Variants in ZZEF1 observed in about 807,000 individuals in gnomAD.
ZZEF1 encodes zinc finger ZZ-type and EF-hand domain containing 1, also known as zinc finger ZZ-type and EF-hand domain-containing protein 1.
Under a neutral mutation model 342.8 loss-of-function variants are expected in ZZEF1, and 157 were observed. That is an observed-to-expected ratio of 0.46 (90% CI 0.40 to 0.52). ZZEF1 has a LOEUF of 0.52. ZZEF1 is among the 20% of genes least tolerant of loss of function. The pLI is 0.00. For missense variants in ZZEF1, 3,480 were observed against 3,725.6 expected, an observed-to-expected ratio of 0.93 and a Z score of 1.72; for synonymous variants, 1,505 against 1,429.1, an observed-to-expected ratio of 1.05 and a Z score of -1.20.
Position 4,014,710 on chromosome 17 carries a change from A to T in ZZEF1, c.8146-195T>A, listed in dbSNP as rs1437292496. Among the ~76,000 whole-genome samples, 1 of 152,202 alleles carries T rather than the reference A, an allele frequency of 6.6e-6. No homozygotes were observed. Among genetic ancestry groups the T allele is most frequent in the African/African-American group, 2.4e-5 (1 of 41,460 alleles). On this transcript the variant is annotated intron_variant, in intron 49 of 54. Coordinates refer to ENST00000381638, the MANE Select transcript of ZZEF1 (RefSeq NM_015113.4). This position sits in a 1 kb window ranked among gnomAD's most constrained non-coding sequence, Gnocchi z 4.4. Reference sequence around the variant, plus strand: ...TGCAAATATGGTGCGAGGGAGGCACAGCGGGGCAGGCAACACGGGGCCCCA... The same window carrying T: ...TGCAAATATGGTGCGAGGGAGGCACTGCGGGGCAGGCAACACGGGGCCCCA...
rs2055761849 is a variant in ZZEF1 at position 4,004,454 on chromosome 17, A to G, written c.*2436T>C. 6.6e-6 allele frequency: 1 copy of G among 152,286 alleles called. No homozygotes were observed. Among genetic ancestry groups the G allele is most frequent in the Non-Finnish European group, 1.5e-5 (1 of 68,050 alleles). 9.4% of individuals were successfully genotyped at this position (152,286 alleles called of 1,614,324 possible). On this transcript the variant is annotated 3_prime_UTR_variant, in exon 55 of 55. Coordinates refer to ENST00000381638, the MANE Select transcript of ZZEF1 (RefSeq NM_015113.4). ...AGTCCACACACAGGCGTACCTTATT[A>G]TATAGAATTTGTACAATATATTTCT...
In ZZEF1 at chr17:4,008,843, C is replaced by T; in HGVS notation, c.8805+40G>A. 6.5e-7 allele frequency: 1 copy of T among 1,541,410 alleles called. No homozygotes were observed. The highest frequency in any genetic ancestry group is 1.7e-4 in the Middle Eastern group (1 of 5,986). On this transcript the variant is annotated intron_variant, in intron 54 of 54. Transcript: ENST00000381638. The surrounding 1 kb of genome is among the most constrained non-coding windows in gnomAD (Gnocchi z 4.2). ...CCTGGCAATGGTGAGATGGTGGCGC[C>T]CCAGCCTGGGGGCCAGCTCTGTTGG...
In ZZEF1 at chr17:4,008,812, C is replaced by T; in HGVS notation, c.8805+71G>A. ...TACTCAGACGCAATGTACAGACCTTCTCTGCCCTGGCAATGGTGAGATGGT... is the reference window on the plus strand; with the variant it reads ...TACTCAGACGCAATGTACAGACCTTTTCTGCCCTGGCAATGGTGAGATGGT... On this transcript the variant is annotated intron_variant, in intron 54 of 54. Transcript: ENST00000381638. The surrounding 1 kb of genome is among the most constrained non-coding windows in gnomAD (Gnocchi z 4.2). 1 of 1,534,032 alleles carries T rather than the reference C, an allele frequency of 6.5e-7. No individual in the cohort carries two copies. The highest frequency in any genetic ancestry group is 1.2e-5 in the South Asian group (1 of 83,510).
chr17:4,135,069 ATATTACAG>A (rs1316336693), intron 1 of ZZEF1, among the ~76,000 whole-genome samples: 1 of 152,150 alleles, frequency 6.6e-6, no homozygotes, highest in African/African-American at 2.4e-5. Context: ...AAGAGCTCAG[ATATTACAG>A]TAAGGGCACC....
intron 24 of ZZEF1, 23 bp from the exon 25 acceptor site, chr17:4,072,779 G>A: frequency 1.3e-6 from 2 of 1,581,838 alleles, no homozygotes; most frequent in Middle Eastern, 1.7e-4. Context: ...GAAGACATAT[G>A]ACAGTTCTAT....
At chr17:4,138,835 C>T (rs1356818447) in intron 1 of ZZEF1, among the ~76,000 whole-genome samples, 1 of 152,210 alleles carries the variant, frequency 6.6e-6, no homozygotes, top group Admixed American at 6.5e-5. Flanking sequence ...AATTCTATTT[C>T]CCCTCTACAT....
intron 29 of ZZEF1, among the ~76,000 whole-genome samples, chr17:4,063,952 A>T (rs929245461): frequency 6.7e-6 from 1 of 150,272 alleles, no homozygotes; most frequent in African/African-American, 2.5e-5. Context: ...GGTCTCGAAC[A>T]CCTGACCTCG....
In ZZEF1 at chr17:4,042,584, A is replaced by G; in HGVS notation, c.6167-16T>C. Reference sequence around the variant, plus strand: ...TCTTCAGCATCTAAGTGGTAAAACAAACTTTCAGAATTTGCCTGCATCTCC... The same window carrying G: ...TCTTCAGCATCTAAGTGGTAAAACAGACTTTCAGAATTTGCCTGCATCTCC... On this transcript the variant is annotated splice_polypyrimidine_tract_variant and intron_variant, in intron 38 of 54. Coordinates refer to ENST00000381638, the MANE Select transcript of ZZEF1 (RefSeq NM_015113.4). 6.2e-7 allele frequency: 1 copy of G among 1,609,486 alleles called. No individual in the cohort carries two copies. The highest frequency in any genetic ancestry group is 1.1e-5 in the South Asian group (1 of 90,248).
At position 4,142,850 on chromosome 17, in the gene ZZEF1, C is replaced by T. The variant is rs1332533065; in HGVS notation, c.46G>A (p.Ala16Thr). The change falls in exon 1 of 55, where the codon GCC (alanine) becomes ACC (threonine). Residue 16 changes from alanine (A) to threonine (T), a missense_variant. Transcript: ENST00000381638. ...TGTGGGCCCCAGCCCTCGCCACCGGCAGCTGCCGCTTCGTCTTCACTGCTG... is the reference window on the plus strand; with the variant it reads ...TGTGGGCCCCAGCCCTCGCCACCGGTAGCTGCCGCTTCGTCTTCACTGCTG... ...SHSSEDEAAA[A>T]GGEGWGPHQD... The T allele has an allele frequency of 5.7e-6, 8 of 1,395,408 alleles. No homozygotes were observed. The highest frequency in any genetic ancestry group is 7.4e-6 in the Non-Finnish European group (8 of 1,083,778). The allele number at this position is 1,395,408 out of a possible 1,614,324, so 86.4% of individuals were successfully genotyped here. A position where few individuals can be genotyped will look rare whatever the true frequency, so the allele number is the denominator to read the frequency against.
intron 1 of ZZEF1, among the ~76,000 whole-genome samples, chr17:4,135,220 A>T (rs2058729620): frequency 6.6e-6 from 1 of 152,210 alleles, no homozygotes; most frequent in African/African-American, 2.4e-5. Context: ...TTACGCCTGT[A>T]ATCCCAGCAC....
chr17:4,125,583 G>C (rs978996636), intron 1 of ZZEF1, among the ~76,000 whole-genome samples: 5 of 152,182 alleles, frequency 3.3e-5, no homozygotes, highest in Non-Finnish European at 7.3e-5. Context: ...AAAGTTAATA[G>C]GATCAAAGAC....
chr17:4,112,588 C>T, intron 5 of ZZEF1, 21 bp downstream of exon 5: 1 of 1,613,276 alleles, frequency 6.2e-7, no homozygotes, highest in Non-Finnish European at 8.5e-7. Flanking sequence ...TTCCCTATCC[C>T]CTCAGTTCTG....
chr17:4,016,918 A>T lies in ZZEF1; in HGVS notation c.8002-452T>A, dbSNP rs916075638. ...GGGTGGCTCCCTCTGTCCCTTCCGA[A>T]AGATAGATATGCTAGAGCAAGCCTG... On this transcript the variant is annotated intron_variant, in intron 48 of 54. Coordinates refer to ENST00000381638, the MANE Select transcript of ZZEF1 (RefSeq NM_015113.4). This position sits in a 1 kb window ranked among gnomAD's most constrained non-coding sequence, Gnocchi z 4.4. 4.7e-5 allele frequency: 9 copies of T among 192,642 alleles called. No homozygotes were observed. The highest frequency in any genetic ancestry group is 3.2e-4 in the Admixed American group (6 of 18,886). 11.9% of individuals were successfully genotyped at this position (192,642 alleles called of 1,614,324 possible).
chr17:4,052,836 T>C (rs117775285), intron 34 of ZZEF1, among the ~76,000 whole-genome samples: 2,440 of 144,660 alleles, frequency 0.017, 30 homozygotes, highest in Middle Eastern at 0.028. Flanking sequence ...CACTGTACTC[T>C]AGCCTGAGGG....
chr17:4,049,776 T>C lies in ZZEF1; in HGVS notation c.5947A>G (p.Thr1983Ala). Residue 1983 changes from threonine (T) to alanine (A), a missense_variant, in exon 37 of 55, where the codon ACC (threonine) becomes GCC (alanine). Transcript: ENST00000381638. The stretch of plus-strand genomic sequence containing the variant: ...TCTAGCTGCTCCTCTGACGCTCCGG[T>C]GGGCACAGTGACTGGTAGGGCCTGA... ...EDQALPVTVP[T>A]GASEEQLEKK... The C allele has an allele frequency of 6.2e-7, 1 of 1,614,170 alleles. No homozygotes were observed. Among genetic ancestry groups the C allele is most frequent in the Admixed American group, 1.7e-5 (1 of 60,022 alleles).
Position 4,019,750 on chromosome 17 carries a change from T to G in ZZEF1, c.7424A>C (p.Asn2475Thr), listed in dbSNP as rs146682751. The G allele has an allele frequency of 6.2e-7, 1 of 1,610,634 alleles. No individual in the cohort carries two copies. Among genetic ancestry groups the G allele is most frequent in the African/African-American group, 1.3e-5 (1 of 74,692 alleles). The change falls in exon 46 of 55, where the codon AAT (asparagine) becomes ACT (threonine). Residue 2475 changes from asparagine (N) to threonine (T), a missense_variant. By Grantham distance (65) the Asn-to-Thr change is moderately conservative. This residue lies in a region of ZZEF1 where 1,269 missense variants were observed against 1,342.4 expected (regional missense o/e 0.95). Transcript: ENST00000381638. ...ICFLMAHDAL[N>T]APLHILRAIY... ...GGCCCGGAGAATGTGCAGAGGGGCA[T>G]TGAGGGCATCATGAGCCATCTGGAG...
rs374249966 is a variant in ZZEF1, at chr17:4,123,899, A to G, written c.499+8T>C. 1 of 1,611,398 alleles carries G rather than the reference A, an allele frequency of 6.2e-7. No homozygotes were observed. The highest frequency in any genetic ancestry group is 8.5e-7 in the Non-Finnish European group (1 of 1,179,162). ...GGTTCTAAGACAGCACCTAGATGGAAGCCTCACCTGGAACCAGAGAGCAGG... is the reference window on the plus strand; with the variant it reads ...GGTTCTAAGACAGCACCTAGATGGAGGCCTCACCTGGAACCAGAGAGCAGG... On this transcript the variant is annotated splice_region_variant and intron_variant, in intron 2 of 54. Transcript: ENST00000381638.
At chr17:4,074,943 T>C (rs776861196) in intron 23 of ZZEF1, among the ~76,000 whole-genome samples, 154 bp downstream of exon 23, 5 of 152,256 alleles carry the variant, frequency 3.3e-5, no homozygotes, top group Non-Finnish European at 5.9e-5. Flanking sequence ...TGACAGACTA[T>C]AGCTGGTCAA....
chr17:4,040,248 C>T (rs1003737991), intron 39 of ZZEF1, among the ~76,000 whole-genome samples: 1 of 151,926 alleles, frequency 6.6e-6, no homozygotes, highest in South Asian at 2.1e-4. Flanking sequence ...AGTATTCTAG[C>T]GCAACAAAAA....
Sources: allele counts gnomAD v4.1 joint callset (sites outside exome capture counted in the v4.1 genomes callset), GRCh38; gene constraint gnomAD v4.1.1; regional missense constraint gnomAD v4.1.1; non-coding constraint Gnocchi (gnomAD v3.1); transcripts MANE v1.5; gene names NCBI Gene and HGNC (gene_info 2026-07-23, HGNC 2026-07-21).